Variants in EXOC4 observed in about 807,000 individuals in gnomAD.
EXOC4 encodes the protein exocyst complex component 4.
In EXOC4, 71 loss-of-function variants were observed where a neutral mutation model predicts 107.2. The ratio of observed to expected loss-of-function variants is 0.66; its 90% CI spans 0.55 to 0.81. The LOEUF is 0.81. Ranked by LOEUF, EXOC4 falls within the 30% of genes least tolerant of loss-of-function variation. EXOC4 has a pLI of 0.00. For synonymous variants in EXOC4, 456 were observed against 441.2 expected (o/e 1.03, Z -0.42); for missense variants, 1,108 against 1,189.6 (o/e 0.93, Z 1.01).
At chr7:133,948,284 C>G (rs1800601989) in intron 14 of EXOC4, among the ~76,000 whole-genome samples, 1 of 152,202 alleles carries the variant, frequency 6.6e-6, no homozygotes, top group Non-Finnish European at 1.5e-5. Context: ...GAAATCATGA[C>G]TTAATGAACT....
At chr7:133,434,757 A>G (rs1438501491) in intron 7 of EXOC4, among the ~76,000 whole-genome samples, 1 of 152,178 alleles carries the variant, frequency 6.6e-6, no homozygotes, top group Non-Finnish European at 1.5e-5. Flanking sequence ...TGCCTTTTAT[A>G]CAGACCTCAG....
At chr7:133,376,031 G>A (rs1003471208) in intron 7 of EXOC4, among the ~76,000 whole-genome samples, 1 of 152,190 alleles carries the variant, frequency 6.6e-6, no homozygotes, top group Non-Finnish European at 1.5e-5. Context: ...AAATGGAACT[G>A]TGTAGGAATG....
intron 9 of EXOC4, chr7:133,483,963 T>G: frequency 6.6e-7 from 1 of 1,507,918 alleles, no homozygotes. Flanking sequence ...TTTTGTTTCT[T>G]CTGTTAACAC....
At chr7:133,595,031 A>G (rs1456615791) in intron 9 of EXOC4, among the ~76,000 whole-genome samples, 2 of 152,110 alleles carry the variant, frequency 1.3e-5, no homozygotes, top group African/African-American at 4.8e-5. Flanking sequence ...AACCATGCAA[A>G]TATAGAGGCA....
chr7:133,291,225 G>T (rs1436023676), intron 3 of EXOC4, among the ~76,000 whole-genome samples: 1 of 151,748 alleles, frequency 6.6e-6, no homozygotes, highest in Admixed American at 6.6e-5. Context: ...CTGTTTGGTT[G>T]TTTATATATT....
chr7:133,708,224 C>T lies in EXOC4; in HGVS notation c.1514+78083C>T, dbSNP rs141765723. 2.7e-3 allele frequency among the ~76,000 whole-genome samples: 409 copies of T among 152,206 alleles called. 2 individuals carry two copies. The highest frequency in any genetic ancestry group is 8.1e-3 in the African/African-American group (338 of 41,530). On this transcript the variant is annotated intron_variant, in intron 10 of 17. Coordinates refer to ENST00000253861, the MANE Select transcript of EXOC4 (RefSeq NM_021807.4). ...TACAGAAAAATAGGAATTCTTCATA[C>T]GTGACTTGATAAACTAAAATAAATG...
chr7:133,395,680 A>T (rs1264001069), intron 7 of EXOC4, among the ~76,000 whole-genome samples: 1 of 149,186 alleles, frequency 6.7e-6, no homozygotes, highest in Non-Finnish European at 1.5e-5. Context: ...TATATATAAA[A>T]CACACACACA....
At chr7:133,711,148 G>C (rs1794884850) in intron 10 of EXOC4, among the ~76,000 whole-genome samples, 1 of 152,168 alleles carries the variant, frequency 6.6e-6, no homozygotes, top group African/African-American at 2.4e-5. Context: ...CTTTCACAAT[G>C]GTAGAAGTTT....
intron 1 of EXOC4, among the ~76,000 whole-genome samples, chr7:133,272,090 G>A (rs556678101): frequency 6.6e-5 from 10 of 152,270 alleles, no homozygotes; most frequent in Admixed American, 2.0e-4. Context: ...ACCAACATTT[G>A]TTGAGTGCTA....
chr7:133,897,492 A>G (rs1485552587), intron 12 of EXOC4, among the ~76,000 whole-genome samples: 1 of 152,132 alleles, frequency 6.6e-6, no homozygotes, highest in African/African-American at 2.4e-5. Context: ...AGTCTTTTGT[A>G]AAAAGCTACA....
intron 14 of EXOC4, among the ~76,000 whole-genome samples, chr7:133,954,355 A>G (rs1016285532): frequency 6.6e-6 from 1 of 152,232 alleles, no homozygotes; most frequent in Admixed American, 6.5e-5. Context: ...CTCTAAGTGT[A>G]TGTGTGCCTT....
chr7:133,977,922 T>G (rs538431872), intron 14 of EXOC4, among the ~76,000 whole-genome samples: 23 of 152,148 alleles, frequency 1.5e-4, no homozygotes, highest in Non-Finnish European at 3.4e-4. Context: ...TGAATTAAGT[T>G]TGGCCCAAAG....
At chr7:133,979,801 A>G (rs1032621137) in intron 14 of EXOC4, among the ~76,000 whole-genome samples, 6 of 152,174 alleles carry the variant, frequency 3.9e-5, no homozygotes, top group Non-Finnish European at 7.4e-5. Flanking sequence ...AAAAAAGAAA[A>G]AAAAACCCTA....
intron 9 of EXOC4, among the ~76,000 whole-genome samples, chr7:133,512,965 C>T (rs1799800865): frequency 6.6e-6 from 1 of 152,054 alleles, no homozygotes; most frequent in Non-Finnish European, 1.5e-5. Context: ...ACTAGCCGGG[C>T]CTGGTGGCAC....
At chr7:133,497,972 G>A (rs941029169) in intron 9 of EXOC4, among the ~76,000 whole-genome samples, 5 of 152,038 alleles carry the variant, frequency 3.3e-5, no homozygotes, top group African/African-American at 9.7e-5. Context: ...TTTTGAAAAC[G>A]TTTGTAGTTA....
chr7:133,292,449 A>AT (rs1157502788), intron 3 of EXOC4, among the ~76,000 whole-genome samples: 1 of 151,950 alleles, frequency 6.6e-6, no homozygotes, highest in Non-Finnish European at 1.5e-5. Context: ...TGGGTATTTC[A>AT]TTTTTTTGTT....
intron 10 of EXOC4, among the ~76,000 whole-genome samples, chr7:133,804,379 G>A (rs1312657119): frequency 2.0e-5 from 3 of 152,090 alleles, no homozygotes; most frequent in South Asian, 2.1e-4. Context: ...TTTTCTTAGG[G>A]CACTGTGCAT....
In EXOC4 at chr7:134,065,187, T is replaced by C. The variant is rs1224791655; in HGVS notation, c.*659T>C. 1 of 152,520 alleles carries C rather than the reference T, an allele frequency of 6.6e-6. No homozygotes were observed. Among genetic ancestry groups the C allele is most frequent in the Non-Finnish European group, 1.5e-5 (1 of 68,038 alleles). 9.4% of individuals were successfully genotyped at this position (152,520 alleles called of 1,614,324 possible). A position where few individuals can be genotyped will look rare whatever the true frequency, so the allele number is the denominator to read the frequency against. ...TGTACACAGGTTGTAGGTTGGTTTA[T>C]TGCCATTTTGTTTTATTTCTGCTGT... On this transcript the variant is annotated 3_prime_UTR_variant, in exon 18 of 18. Coordinates refer to ENST00000253861, the MANE Select transcript of EXOC4 (RefSeq NM_021807.4).
intron 11 of EXOC4, among the ~76,000 whole-genome samples, chr7:133,890,397 TC>T (rs1799180430): frequency 1.4e-5 from 1 of 69,938 alleles, no homozygotes; most frequent in Non-Finnish European, 2.4e-5. Flanking sequence ...GATGGTAGTT[TC>T]TTTTGCTGTG....
Sources: allele counts gnomAD v4.1 joint callset (sites outside exome capture counted in the v4.1 genomes callset), GRCh38; gene constraint gnomAD v4.1.1; transcripts MANE v1.5; gene names NCBI Gene and HGNC (gene_info 2026-07-23, HGNC 2026-07-21).